Variants in CUX2 observed in about 807,000 individuals in gnomAD.
The protein encoded by CUX2 is cut like homeobox 2, also known as homeobox protein cut-like 2.
Under a neutral mutation model 144.8 loss-of-function variants are expected in CUX2, and 40 were observed. The observed-to-expected ratio is 0.28, with a 90% CI of 0.21 to 0.36. CUX2 has a LOEUF of 0.36. Among genes scored for constraint, CUX2 ranks in the 10% least tolerant of loss-of-function variants. The pLI is 1.00. For synonymous variants in CUX2, 827 were observed against 875.6 expected, an observed-to-expected ratio of 0.94 and a Z score of 0.98; for missense variants, 1,615 against 1,994.0, an observed-to-expected ratio of 0.81 and a Z score of 3.62.
chr12:111,041,290 C>CT (rs1869731669), intron 1 of CUX2, among the ~76,000 whole-genome samples: 1 of 152,216 alleles, frequency 6.6e-6, no homozygotes, highest in Non-Finnish European at 1.5e-5. Flanking sequence ...CCCTGTGAAT[C>CT]TGAGTGACTT....
Position 111,235,854 on chromosome 12 carries a change from G to C in CUX2, c.222+17917G>C, listed in dbSNP as rs866231867. On this transcript the variant is annotated intron_variant, in intron 3 of 21. Transcript: ENST00000261726. ...GGTTGATGTGGCAGGTGGAGACAGAGGGTCTGGGGCTCAGGTTTTGGGGGC... is the reference window on the plus strand; with the variant it reads ...GGTTGATGTGGCAGGTGGAGACAGACGGTCTGGGGCTCAGGTTTTGGGGGC... Among the ~76,000 whole-genome samples the C allele has an allele frequency of 3.3e-5, 5 of 152,180 alleles. No individual in the cohort carries two copies. In the South Asian group the frequency reaches 1.0e-3, roughly 31 times the overall value.
chr12:111,055,899 G>A (rs1371655501), intron 1 of CUX2, among the ~76,000 whole-genome samples: 1 of 152,238 alleles, frequency 6.6e-6, no homozygotes, highest in Non-Finnish European at 1.5e-5. Flanking sequence ...TGGGAGTCGG[G>A]CTGATCGCAG....
At chr12:111,345,290 A>C (rs537747811) in intron 21 of CUX2, among the ~76,000 whole-genome samples, 1 of 150,202 alleles carries the variant, frequency 6.7e-6, no homozygotes, top group East Asian at 2.0e-4. Context: ...TCTACTAAAA[A>C]TACAAAAATT....
chr12:111,269,352 C>T (rs890601231), intron 4 of CUX2, among the ~76,000 whole-genome samples: 9 of 152,162 alleles, frequency 5.9e-5, no homozygotes, highest in African/African-American at 2.2e-4. Context: ...CAAAAAGATA[C>T]TTCATCAGTG....
intron 1 of CUX2, among the ~76,000 whole-genome samples, chr12:111,173,007 G>T (rs1283647700): frequency 6.6e-6 from 1 of 152,214 alleles, no homozygotes; most frequent in African/African-American, 2.4e-5. Context: ...AGAAGACTTG[G>T]GTGAGTGCGG....
chr12:111,191,842 C>T (rs1052072261), intron 1 of CUX2, among the ~76,000 whole-genome samples: 8 of 152,224 alleles, frequency 5.3e-5, no homozygotes, highest in African/African-American at 1.2e-4. Context: ...CCACCTCCTT[C>T]GGGGCACCTC....
chr12:111,089,774 A>G (rs572352142), intron 1 of CUX2, among the ~76,000 whole-genome samples: 2 of 152,346 alleles, frequency 1.3e-5, no homozygotes, highest in Admixed American at 1.3e-4. Flanking sequence ...GCTTTTGGGG[A>G]ACTGTAACCA....
At chr12:111,328,232 T>C (rs1386866714) in intron 18 of CUX2, among the ~76,000 whole-genome samples, 2 of 152,150 alleles carry the variant, frequency 1.3e-5, no homozygotes, top group African/African-American at 2.4e-5. Flanking sequence ...CCACAGAGTC[T>C]GGCTGTGGGG....
chr12:111,058,348 T>C (rs546282432), intron 1 of CUX2, among the ~76,000 whole-genome samples: 1 of 152,382 alleles, frequency 6.6e-6, no homozygotes, highest in South Asian at 2.1e-4. Flanking sequence ...AAAAATTGTC[T>C]GATTGTACCC....
intron 1 of CUX2, among the ~76,000 whole-genome samples, chr12:111,168,013 A>G (rs1483203543): frequency 6.6e-6 from 1 of 151,998 alleles, no homozygotes; most frequent in Non-Finnish European, 1.5e-5. Flanking sequence ...TTTTATCCCC[A>G]TTTTACAGAG....
intron 1 of CUX2, among the ~76,000 whole-genome samples, chr12:111,179,055 C>T (rs552787318): frequency 2.6e-5 from 4 of 152,254 alleles, no homozygotes; most frequent in East Asian, 1.9e-4. Context: ...ACCTTTCAGA[C>T]GTTCCCTGAG....
intron 1 of CUX2, among the ~76,000 whole-genome samples, chr12:111,132,787 C>G (rs968530989): frequency 1.3e-5 from 2 of 152,018 alleles, no homozygotes; most frequent in Non-Finnish European, 2.9e-5. Flanking sequence ...AGGCTGGTCT[C>G]AAACTCCTGA....
At chr12:111,276,625 CTTTT>C (rs1364090284) in intron 4 of CUX2, among the ~76,000 whole-genome samples, 14 of 150,848 alleles carry the variant, frequency 9.3e-5, no homozygotes, top group South Asian at 8.4e-4. Flanking sequence ...TAGTTGTTTC[CTTTT>C]TGTTTGTTTG....
chr12:111,134,620 C>CTGTGTG (rs750270262), intron 1 of CUX2, among the ~76,000 whole-genome samples: 24 of 142,128 alleles, frequency 1.7e-4, no homozygotes, highest in African/African-American at 4.4e-4. Context: ...CTCTCTCTCT[C>CTGTGTG]TGTGTGTGTG....
At chr12:111,188,700 G>C (rs1313227570) in intron 1 of CUX2, among the ~76,000 whole-genome samples, 1 of 152,142 alleles carries the variant, frequency 6.6e-6, no homozygotes, top group East Asian at 1.9e-4. Flanking sequence ...TGCTGGCCCT[G>C]GGGAGCATTT....
At chr12:111,280,561 T>C (rs1297490919) in intron 4 of CUX2, among the ~76,000 whole-genome samples, 3 of 152,134 alleles carry the variant, frequency 2.0e-5, no homozygotes, top group Non-Finnish European at 4.4e-5. Flanking sequence ...AAGCAACAAA[T>C]GTTTTCTTTC....
intron 2 of CUX2, among the ~76,000 whole-genome samples, chr12:111,215,517 A>T (rs1235542656): frequency 6.6e-6 from 1 of 152,192 alleles, no homozygotes; most frequent in Non-Finnish European, 1.5e-5. Context: ...CTACATGGAG[A>T]AGGGGCATGA....
chr12:111,318,942 G>A (rs1427810110), intron 16 of CUX2, among the ~76,000 whole-genome samples: 4 of 152,160 alleles, frequency 2.6e-5, no homozygotes, highest in African/African-American at 7.2e-5. Flanking sequence ...TGGGATGACA[G>A]GTGTGAGTCA....
chr12:111,328,580 T>TG (rs1887925613), intron 18 of CUX2, among the ~76,000 whole-genome samples: 2 of 135,852 alleles, frequency 1.5e-5, no homozygotes, highest in East Asian at 2.3e-4. Flanking sequence ...CCAATTTCTT[T>TG]TGTGTGTGTG....
Sources: allele counts gnomAD v4.1 joint callset (sites outside exome capture counted in the v4.1 genomes callset), GRCh38; gene constraint gnomAD v4.1.1; transcripts MANE v1.5; gene names NCBI Gene and HGNC (gene_info 2026-07-23, HGNC 2026-07-21).